TBC1D12: variants seen among roughly 807,000 people sequenced by gnomAD.
The protein encoded by TBC1D12 is TBC1 domain family, member 12.
A neutral mutation model predicts 86.7 loss-of-function variants in TBC1D12; 56 were observed. The ratio of observed to expected loss-of-function variants is 0.65; its 90% confidence interval spans 0.52 to 0.81. The LOEUF (loss-of-function observed/expected upper bound fraction) is 0.81, where lower values mean the gene tolerates loss of function less well. TBC1D12 is among the 30% of genes least tolerant of loss of function. The pLI, the probability that TBC1D12 is intolerant of heterozygous loss-of-function variation, is 0.00. For missense variants in TBC1D12, 1,023 were observed against 1,038.8 expected (o/e 0.98, Z 0.21); for synonymous variants, 421 against 411.7 (o/e 1.02, Z -0.27).
chr10:94,403,676 G>A, intron 1 of TBC1D12, 92 bp downstream of exon 1: 1 of 1,383,568 alleles, frequency 7.2e-7, no homozygotes, highest in South Asian at 1.6e-5. Flanking sequence ...GCCGGAGCCG[G>A]AGCGGAGAGC....
At chr10:94,443,503 T>C (rs2055410060) in intron 2 of TBC1D12, among the ~76,000 whole-genome samples, 2 of 152,280 alleles carry the variant, frequency 1.3e-5, no homozygotes, top group South Asian at 4.1e-4. Flanking sequence ...TATTGGTACT[T>C]AAAACTGTGT....
intron 1 of TBC1D12, among the ~76,000 whole-genome samples, chr10:94,405,046 C>CA (rs59300913): frequency 0.046 from 5,174 of 112,260 alleles, 214 homozygotes; most frequent in African/African-American, 0.13. Context: ...AGACTTCTCT[C>CA]AAAAAAAAAA....
Position 94,533,263 on chromosome 10 carries a change from A to G in TBC1D12, c.*167A>G, listed in dbSNP as rs1842474253. 2.0e-6 allele frequency: 1 copy of G among 494,794 alleles called. No individual in the cohort carries two copies. Among genetic ancestry groups the G allele is most frequent in the Non-Finnish European group, 3.5e-6 (1 of 284,358 alleles). 30.7% of individuals were successfully genotyped at this position (494,794 alleles called of 1,614,324 possible). ...TATGGCTGAAGTAAATGAAATAAGT[A>G]ACTTATTGACAGTATTAATAAACTA... On this transcript the variant is annotated 3_prime_UTR_variant, in exon 13 of 13. Coordinates refer to ENST00000225235, the MANE Select transcript of TBC1D12 (RefSeq NM_015188.2).
chr10:94,402,721 G>A lies in TBC1D12; in HGVS notation c.108G>A (p.Thr36=), dbSNP rs1401751355. 1.3e-6 allele frequency: 2 copies of A among 1,572,648 alleles called. No individual in the cohort carries two copies. Among genetic ancestry groups the A allele is most frequent in the Non-Finnish European group, 1.7e-6 (2 of 1,158,928 alleles). ...VGQDRKVIRA[T]GGFGGGVGAV... is the part of the protein sequence containing the mutation. ...AGGACAGGAAGGTAATCCGGGCCAC[G>A]GGCGGCTTTGGCGGAGGCGTCGGCG... The change falls in exon 1 of 13, where the codon ACG becomes ACA. Residue 36 remains threonine, a synonymous_variant. Transcript: ENST00000225235.
intron 9 of TBC1D12, among the ~76,000 whole-genome samples, chr10:94,513,886 T>C (rs1179307714): frequency 6.6e-6 from 1 of 152,142 alleles, no homozygotes; most frequent in Non-Finnish European, 1.5e-5. Context: ...AAATATAACG[T>C]TGTATAATTA....
chr10:94,457,830 G>A (rs2055651217), intron 2 of TBC1D12, among the ~76,000 whole-genome samples: 1 of 151,922 alleles, frequency 6.6e-6, no homozygotes, highest in Non-Finnish European at 1.5e-5. Flanking sequence ...TTGTCCTGGA[G>A]TTTGCAGTAT....
At chr10:94,484,272 G>A in intron 3 of TBC1D12, among the ~76,000 whole-genome samples, 1 of 140,058 alleles carries the variant, frequency 7.1e-6, no homozygotes, top group African/African-American at 2.7e-5. Flanking sequence ...TTGAGGTGGA[G>A]TTTCGCTCTT....
At position 94,531,274 on chromosome 10, in the gene TBC1D12, T is replaced by A; in HGVS notation, c.2073T>A (p.Asp691Glu). Residue 691 changes from aspartate (D) to glutamate (E), a missense_variant, in exon 12 of 13, where the codon GAT becomes GAA. This residue lies in a region of TBC1D12 where 395 missense variants were observed against 507.7 expected (regional missense o/e 0.78). Coordinates refer to ENST00000225235, the MANE Select transcript of TBC1D12 (RefSeq NM_015188.2). ...ACRVWDVFCR[D>E]GEEFLFRTGL... is the part of the protein sequence containing the mutation. ...GAGTCTGGGATGTATTTTGCAGAGATGGGGAAGAATTTTTATTTAGGACTG... is the reference window on the plus strand; with the variant it reads ...GAGTCTGGGATGTATTTTGCAGAGAAGGGGAAGAATTTTTATTTAGGACTG... 6.2e-7 allele frequency: 1 copy of A among 1,614,082 alleles called. No homozygotes were observed. Among genetic ancestry groups the A allele is most frequent in the Non-Finnish European group, 8.5e-7 (1 of 1,179,984 alleles).
In TBC1D12 at chr10:94,481,554, C is replaced by G. The variant is rs564188938; in HGVS notation, c.1211+6771C>G. ...TGTAACTTCTTCACTTCTCACCCTT[C>G]ATAGAATTGAAGAGAGTTAGGGCCT... On this transcript the variant is annotated intron_variant, in intron 3 of 12. Coordinates refer to ENST00000225235, the MANE Select transcript of TBC1D12 (RefSeq NM_015188.2). Among the ~76,000 whole-genome samples the G allele has an allele frequency of 1.7e-4, 26 of 152,318 alleles. No homozygotes were observed. The South Asian group carries it at 4.6e-3, about 27-fold the overall frequency.
chr10:94,434,972 A>G (rs1329888998), intron 1 of TBC1D12, among the ~76,000 whole-genome samples: 1 of 152,222 alleles, frequency 6.6e-6, no homozygotes, highest in Non-Finnish European at 1.5e-5. Context: ...TTTGGGGAAC[A>G]CATTCAGATC....
chr10:94,431,929 AAG>A (rs1275324347), intron 1 of TBC1D12, among the ~76,000 whole-genome samples: 2 of 152,154 alleles, frequency 1.3e-5, no homozygotes, highest in Non-Finnish European at 2.9e-5. Context: ...AACATAGCAC[AAG>A]AGTGACCCCT....
chr10:94,412,745 A>G (rs2054943150), intron 1 of TBC1D12, among the ~76,000 whole-genome samples: 2 of 152,264 alleles, frequency 1.3e-5, no homozygotes, highest in Non-Finnish European at 2.9e-5. Flanking sequence ...CTCTAAATGT[A>G]TGCAGAAAGG....
Position 94,447,751 on chromosome 10 carries a change from G to GT in TBC1D12, c.1095+5741dup, listed in dbSNP as rs200454823. ...GTAGTTCAGTTGACCTGAGTTTTTTGTTTTTTTTTCTAAATTAGTAGGTAA... is the reference window on the plus strand; with the variant it reads ...GTAGTTCAGTTGACCTGAGTTTTTTGTTTTTTTTTTCTAAATTAGTAGGTAA... On this transcript the variant is annotated intron_variant, in intron 2 of 12. Coordinates refer to ENST00000225235, the MANE Select transcript of TBC1D12 (RefSeq NM_015188.2). The GT allele has an allele frequency of 6.9e-3, 6,140 of 893,896 alleles. 16 individuals carry two copies. The highest frequency in any genetic ancestry group is 0.059 in the East Asian group (488 of 8,218). The allele number at this position is 893,896 out of a possible 1,614,324, so 55.4% of individuals were successfully genotyped here.
At chr10:94,413,773 CT>C (rs2054959227) in intron 1 of TBC1D12, among the ~76,000 whole-genome samples, 1 of 151,248 alleles carries the variant, frequency 6.6e-6, no homozygotes, top group East Asian at 1.9e-4. Flanking sequence ...ATGTTAGATA[CT>C]TTTTTTGTTA....
At chr10:94,510,253 G>T in intron 8 of TBC1D12, 74 bp downstream of exon 8, 1 of 1,069,504 alleles carries the variant, frequency 9.4e-7, no homozygotes, top group Non-Finnish European at 1.3e-6. Context: ...TTCTTTAAAT[G>T]AATAGCTATT....
At chr10:94,499,240 A>G (rs534059682) in intron 5 of TBC1D12, among the ~76,000 whole-genome samples, 6 of 152,298 alleles carry the variant, frequency 3.9e-5, no homozygotes, top group East Asian at 1.9e-4. Context: ...TCACCATTCT[A>G]TGTAATAGGT....
chr10:94,430,587 T>C (rs930176405), intron 1 of TBC1D12, among the ~76,000 whole-genome samples: 3 of 152,242 alleles, frequency 2.0e-5, no homozygotes. Context: ...TTAGGTCCTA[T>C]GTAGCTTTTT....
chr10:94,474,609 TA>T, intron 2 of TBC1D12, 58 bp from the exon 3 acceptor site: 2 of 1,201,892 alleles, frequency 1.7e-6, no homozygotes, highest in Non-Finnish European at 2.5e-6. Flanking sequence ...GATACAGATT[TA>T]ATAGTACAAA....
At chr10:94,407,123 T>A (rs1391056486) in intron 1 of TBC1D12, among the ~76,000 whole-genome samples, 1 of 152,246 alleles carries the variant, frequency 6.6e-6, no homozygotes, top group Non-Finnish European at 1.5e-5. Flanking sequence ...TATCTATTAC[T>A]ACATAGTATT....
Sources: gnomAD v4.1 joint callset for allele counts (sites outside exome capture counted in the v4.1 genomes callset) on GRCh38, gnomAD v4.1.1 for gene constraint, gnomAD v4.1.1 regional missense constraint, MANE v1.5 for transcripts, NCBI Gene and HGNC (gene_info 2026-07-23, HGNC 2026-07-21) for gene names.